Variants in CELF2 observed in about 807,000 individuals in gnomAD.
CELF2 encodes the protein CUGBP Elav-like family member 2.
In CELF2, 8 loss-of-function variants were observed where a neutral mutation model predicts 62.6. The ratio of observed to expected loss-of-function variants is 0.13; its 90% CI spans 0.07 to 0.23. CELF2 has a LOEUF of 0.23. CELF2 is among the 10% of genes least tolerant of loss of function. The pLI is 1.00. For synonymous variants in CELF2, 258 were observed against 250.0 expected, an observed-to-expected ratio of 1.03 and a Z score of -0.30; for missense variants, 333 against 671.0, an observed-to-expected ratio of 0.50 and a Z score of 5.56.
chr10:10,714,063 G>C, the CELF2 span, among the ~76,000 whole-genome samples: 111 of 152,110 alleles, frequency 7.3e-4, no homozygotes, highest in East Asian at 0.017. Flanking sequence ...GGAAATATGG[G>C]TATAGATGGA....
chr10:11,032,398 G>A (rs374033610), intron 1 of CELF2, among the ~76,000 whole-genome samples: 4 of 152,080 alleles, frequency 2.6e-5, no homozygotes, highest in East Asian at 1.9e-4. Context: ...TGGGGGAATC[G>A]CTTGAGGCCA....
At chr10:10,790,450 C>T in the CELF2 span, among the ~76,000 whole-genome samples, 3 of 152,064 alleles carry the variant, frequency 2.0e-5, no homozygotes, top group Non-Finnish European at 4.4e-5. Context: ...TTGCCTACAC[C>T]TGAAAAACCA....
intron 1 of CELF2, among the ~76,000 whole-genome samples, chr10:11,077,348 T>C (rs1334820781): frequency 6.6e-6 from 1 of 152,080 alleles, no homozygotes; most frequent in East Asian, 1.9e-4. Context: ...ACAGGGAAAG[T>C]AAGGAAACAC....
At chr10:10,593,571 G>C in the CELF2 span, among the ~76,000 whole-genome samples, 1 of 152,178 alleles carries the variant, frequency 6.6e-6, no homozygotes, top group Non-Finnish European at 1.5e-5. Flanking sequence ...TCAAGGGTGT[G>C]GGCACAGGGA....
chr10:10,587,562 CAT>C, the CELF2 span, among the ~76,000 whole-genome samples: 1 of 152,124 alleles, frequency 6.6e-6, no homozygotes, highest in Non-Finnish European at 1.5e-5. Flanking sequence ...AATAGAATAA[CAT>C]AAAATAAACA....
chr10:10,948,575 T>C (rs992574872), intron 2 of CELF2, among the ~76,000 whole-genome samples: 1 of 152,278 alleles, frequency 6.6e-6, no homozygotes, highest in South Asian at 2.1e-4. Context: ...TTGGTTGTTT[T>C]CTGAACATTT....
At chr10:11,045,802 A>G (rs2139747534) in intron 1 of CELF2, among the ~76,000 whole-genome samples, 1 of 152,330 alleles carries the variant, frequency 6.6e-6, no homozygotes, top group Admixed American at 6.5e-5. Flanking sequence ...TATAACACAG[A>G]GACCCCCTTA....
At chr10:10,919,415 G>A (rs2064669167) in intron 1 of CELF2, among the ~76,000 whole-genome samples, 1 of 152,120 alleles carries the variant, frequency 6.6e-6, no homozygotes, top group Non-Finnish European at 1.5e-5. Context: ...AATTATCATA[G>A]TATCTACCTT....
At chr10:10,588,572 G>A in the CELF2 span, among the ~76,000 whole-genome samples, 14 of 152,246 alleles carry the variant, frequency 9.2e-5, no homozygotes, top group African/African-American at 3.4e-4. Context: ...ATGGTGGTGG[G>A]GTGGGTCAGA....
At chr10:10,770,629 G>A in the CELF2 span, among the ~76,000 whole-genome samples, 1 of 152,068 alleles carries the variant, frequency 6.6e-6, no homozygotes. Context: ...ATTCTTAACT[G>A]CACAGAGCCC....
the CELF2 span, among the ~76,000 whole-genome samples, chr10:10,651,034 C>A: frequency 1.3e-5 from 2 of 151,870 alleles, no homozygotes; most frequent in African/African-American, 4.8e-5. Context: ...CGAGCCGAAG[C>A]AGGGCGAGGC....
intron 8 of CELF2, among the ~76,000 whole-genome samples, chr10:11,276,142 T>G (rs1182036383): frequency 1.3e-5 from 2 of 152,186 alleles, no homozygotes; most frequent in African/African-American, 4.8e-5. Context: ...GGGGTTTGTT[T>G]ATTTTTTTTT....
chr10:10,497,585 G>A, the CELF2 span, among the ~76,000 whole-genome samples: 2 of 152,140 alleles, frequency 1.3e-5, no homozygotes, highest in Admixed American at 6.5e-5. Flanking sequence ...TTGGGGATGA[G>A]GGTTTTTAGT....
Position 11,285,827 on chromosome 10 carries a change from GT to G in CELF2, c.842-2590del, listed in dbSNP as rs1164778092. Among the ~76,000 whole-genome samples, 260 of 4,708 alleles carry G rather than the reference GT, an allele frequency of 0.055. No individual in the cohort carries two copies. The highest frequency in any genetic ancestry group is 0.17 in the Middle Eastern group (1 of 6). 3.1% of individuals were successfully genotyped at this position (4,708 alleles called of 152,430 possible). A position where few individuals can be genotyped will look rare whatever the true frequency, so the allele number is the denominator to read the frequency against. On this transcript the variant is annotated intron_variant, in intron 8 of 12. Transcript: ENST00000633077. This position sits in a 1 kb window ranked among gnomAD's most constrained non-coding sequence, Gnocchi z 4.3. ...TGCTCATCACCTACTATATATATTG[GT>G]GTGTGTGTGTGTGTGTGTGTGTGTG... is the stretch of plus-strand genomic sequence containing the variant.
chr10:11,103,487 A>ATTTTTTTTTTTTTTTTTTTTTT lies in CELF2; in HGVS notation c.75-61979_75-61978insTTTTTTTTTTTTTTTTTTTTTT, dbSNP rs3054364. 3.4e-4 allele frequency among the ~76,000 whole-genome samples: 41 copies of ATTTTTTTTTTTTTTTTTTTTTT among 119,722 alleles called. 2 individuals carry two copies. The highest frequency in any genetic ancestry group is 7.7e-4 in the African/African-American group (22 of 28,570). The allele number at this position is 119,722 out of a possible 152,430, so 78.5% of individuals were successfully genotyped here. On this transcript the variant is annotated intron_variant, in intron 1 of 12. Coordinates refer to ENST00000633077, the MANE Select transcript of CELF2 (RefSeq NM_001326342.2). ...CGGATAAACCTGTGTTTGTAGCCTG[A>ATTTTTTTTTTTTTTTTTTTTTT]TTTTTTTTTTTTTTTTTTTTACTGT...
chr10:10,922,555 T>G (rs2065020851), intron 2 of CELF2: 1 of 152,230 alleles, frequency 6.6e-6, no homozygotes, highest in African/African-American at 2.4e-5. Context: ...TAAGTAGCGC[T>G]GTATTTTGAA....
chr10:10,591,815 G>A, the CELF2 span, among the ~76,000 whole-genome samples: 1 of 152,180 alleles, frequency 6.6e-6, no homozygotes, highest in Non-Finnish European at 1.5e-5. Flanking sequence ...CATTCCATGT[G>A]TATTTAGAAC....
At chr10:10,796,057 G>A (rs1157103832), upstream of CELF2, among the ~76,000 whole-genome samples, 6 of 151,982 alleles carry the variant, frequency 3.9e-5, no homozygotes, top group Admixed American at 6.5e-5. Context: ...CTGATTTTCC[G>A]TTTATGGAAA....
At chr10:11,238,823 T>G (rs1186478415) in intron 3 of CELF2, among the ~76,000 whole-genome samples, 1 of 152,244 alleles carries the variant, frequency 6.6e-6, no homozygotes, top group Non-Finnish European at 1.5e-5. Flanking sequence ...TAGCTGTTAT[T>G]TTTCATTCAT....
Sources: allele counts gnomAD v4.1 joint callset (sites outside exome capture counted in the v4.1 genomes callset), GRCh38; gene constraint gnomAD v4.1.1; non-coding constraint Gnocchi (gnomAD v3.1); transcripts MANE v1.5; gene names NCBI Gene and HGNC (gene_info 2026-07-23, HGNC 2026-07-21).